Variants in GRIK3 observed in about 807,000 individuals in gnomAD.
The protein encoded by GRIK3 is glutamate ionotropic receptor kainate type subunit 3.
GRIK3 carries 29 observed loss-of-function variants against 102.5 expected under a neutral mutation model. The ratio of observed to expected loss-of-function variants is 0.28; its 90% CI spans 0.21 to 0.39. The LOEUF is 0.39. GRIK3 is among the 10% of genes least tolerant of loss of function. The probability of loss-of-function intolerance (pLI) is 1.00; values close to 1 mark genes in which losing one functional copy is unlikely to be tolerated. For missense variants in GRIK3, 908 were observed against 1,252.4 expected (o/e 0.73, Z 4.15); for synonymous variants, 511 against 504.9 (o/e 1.01, Z -0.16).
At chr1:36,963,225 C>T (rs1251404338) in intron 1 of GRIK3, among the ~76,000 whole-genome samples, 3 of 152,140 alleles carry the variant, frequency 2.0e-5, no homozygotes, top group Non-Finnish European at 2.9e-5. Context: ...GGACTCTCTC[C>T]TTTGCCTCCT....
At position 36,959,414 on chromosome 1, in the gene GRIK3, ATCTGTGAG is replaced by A. The variant is rs1200504018; in HGVS notation, c.116-68326_116-68319del. 4.4e-5 allele frequency among the ~76,000 whole-genome samples: 4 copies of A among 91,626 alleles called. 1 individual carries two copies. The highest frequency in any genetic ancestry group is 8.1e-5 in the African/African-American group (2 of 24,774). The allele number at this position is 91,626 out of a possible 152,430, so 60.1% of individuals were successfully genotyped here. A position where few individuals can be genotyped will look rare whatever the true frequency, so the allele number is the denominator to read the frequency against. On this transcript the variant is annotated intron_variant, in intron 1 of 15. Transcript: ENST00000373091. Reference sequence around the variant, plus strand: ...AGCCTGCACCCCATGAGCCTCTGTGATCTGTGAGTCTGTGAGTCTGTGCCCCGTGACTC... The same window carrying A: ...AGCCTGCACCCCATGAGCCTCTGTGATCTGTGAGTCTGTGCCCCGTGACTC...
chr1:36,971,581 T>C lies in GRIK3; in HGVS notation c.115+62413A>G, dbSNP rs114747194. On this transcript the variant is annotated intron_variant, in intron 1 of 15. Transcript: ENST00000373091. ...TAAGAAGGATGAGAGATGCGCAAAT[T>C]GCTCCACTTCCAGAGAGGGACAGTG... Among the ~76,000 whole-genome samples the C allele has an allele frequency of 3.0e-3, 450 of 152,228 alleles. 2 individuals carry two copies. Among genetic ancestry groups the C allele is most frequent in the African/African-American group, 0.01 (435 of 41,534 alleles).
intron 8 of GRIK3, among the ~76,000 whole-genome samples, chr1:36,851,992 G>A (rs1403673970): frequency 1.3e-5 from 2 of 152,196 alleles, no homozygotes; most frequent in South Asian, 4.1e-4. Flanking sequence ...ACAGCTACTT[G>A]AGTGAATACT....
chr1:36,800,824 CA>C lies in GRIK3; in HGVS notation c.*1026del, dbSNP rs886572626. The C allele has an allele frequency of 6.6e-6, 1 of 151,966 alleles. No homozygotes were observed. The highest frequency in any genetic ancestry group is 2.4e-5 in the African/African-American group (1 of 41,224). The allele number at this position is 151,966 out of a possible 1,614,324, so 9.4% of individuals were successfully genotyped here. On this transcript the variant is annotated 3_prime_UTR_variant, in exon 16 of 16. Coordinates refer to ENST00000373091, the MANE Select transcript of GRIK3 (RefSeq NM_000831.4). ...CTTTCACTTCAACCAACTCTTCTTT[CA>C]AAAAGACAGAGTGAGGCCAAGGTCA...
At position 36,891,086 on chromosome 1, in the gene GRIK3, G is replaced by C; in HGVS notation, c.126C>G (p.Phe42Leu). The change falls in exon 2 of 16, where the codon TTC becomes TTG. Residue 42 changes from phenylalanine to leucine, a missense_variant. Physicochemically the swap from Phe to Leu is conservative, Grantham distance 22. Transcript: ENST00000373091. Reference sequence around the variant, plus strand: ...GGGCGTTGGGGCCGTCCGCATACTCGAAGATTCCTCCTGTGAAAGATGAGT... The same window carrying C: ...GGGCGTTGGGGCCGTCCGCATACTCCAAGATTCCTCCTGTGAAAGATGAGT... Reference protein sequence around the residue: ...MPHVIRIGGIFEYADGPNAQV... With the variant: ...MPHVIRIGGILEYADGPNAQV... 1 of 1,611,750 alleles carries C rather than the reference G, an allele frequency of 6.2e-7. No homozygotes were observed. Among genetic ancestry groups the C allele is most frequent in the Non-Finnish European group, 8.5e-7 (1 of 1,178,634 alleles).
chr1:36,882,274 T>A (rs1302980197), intron 2 of GRIK3, among the ~76,000 whole-genome samples: 1 of 152,134 alleles, frequency 6.6e-6, no homozygotes, highest in Non-Finnish European at 1.5e-5. Flanking sequence ...TTCAAACAGT[T>A]CAGGTTCTTG....
At chr1:36,986,133 A>G (rs931973193) in intron 1 of GRIK3, among the ~76,000 whole-genome samples, 1 of 152,084 alleles carries the variant, frequency 6.6e-6, no homozygotes, top group African/African-American at 2.4e-5. Flanking sequence ...CAGACTCTCT[A>G]TCTCCTCCTC....
At chr1:36,968,841 C>T (rs1472534560) in intron 1 of GRIK3, among the ~76,000 whole-genome samples, 2 of 152,234 alleles carry the variant, frequency 1.3e-5, no homozygotes, top group African/African-American at 4.8e-5. Flanking sequence ...GACACCCCCA[C>T]CTGGGAAGCA....
At chr1:36,842,313 C>T (rs931620171) in intron 9 of GRIK3, among the ~76,000 whole-genome samples, 2 of 152,198 alleles carry the variant, frequency 1.3e-5, no homozygotes, top group African/African-American at 2.4e-5. Flanking sequence ...GCATCAGCAT[C>T]ACCTGGGAAC....
At chr1:36,804,681 G>C (rs1182902502) in intron 15 of GRIK3, 1 of 503,670 alleles carries the variant, frequency 2.0e-6, no homozygotes, top group Non-Finnish European at 3.5e-6. Context: ...TTTAAACAAG[G>C]TACCAGTTGC....
chr1:36,996,444 C>T (rs2124018739), intron 1 of GRIK3, among the ~76,000 whole-genome samples: 1 of 152,312 alleles, frequency 6.6e-6, no homozygotes, highest in East Asian at 1.9e-4. Context: ...GGACAAATGG[C>T]ATTCCCAAGA....
At chr1:36,841,697 C>T (rs758719765) in intron 10 of GRIK3, 39 bp downstream of exon 10, 8 of 1,553,996 alleles carry the variant, frequency 5.1e-6, no homozygotes, top group African/African-American at 1.4e-5. Flanking sequence ...CAAGTCTCCC[C>T]AGGGTCCTGA....
intron 1 of GRIK3, among the ~76,000 whole-genome samples, chr1:36,946,965 C>T (rs928883670): frequency 1.3e-5 from 2 of 152,128 alleles, no homozygotes; most frequent in Non-Finnish European, 2.9e-5. Flanking sequence ...GAGAAAGAAA[C>T]ACATGTGAGA....
At chr1:36,969,997 AGT>A (rs1368419989) in intron 1 of GRIK3, among the ~76,000 whole-genome samples, 1 of 152,244 alleles carries the variant, frequency 6.6e-6, no homozygotes, top group Non-Finnish European at 1.5e-5. Context: ...CTCCAATGGC[AGT>A]GTGAAGGGCA....
intron 15 of GRIK3, 80 bp downstream of exon 15, chr1:36,804,907 T>A (rs770371225): frequency 3.7e-5 from 56 of 1,533,224 alleles, no homozygotes; most frequent in Non-Finnish European, 4.6e-5. Context: ...GACACCACTG[T>A]GTGCCTGGCA....
At chr1:36,971,148 G>C (rs533164579) in intron 1 of GRIK3, among the ~76,000 whole-genome samples, 1 of 152,286 alleles carries the variant, frequency 6.6e-6, no homozygotes, top group East Asian at 1.9e-4. Flanking sequence ...TTCACCTCCT[G>C]GTTCTGGTAG....
chr1:36,828,834 G>A (rs1642783307), intron 10 of GRIK3, among the ~76,000 whole-genome samples: 5 of 152,160 alleles, frequency 3.3e-5, no homozygotes, highest in Admixed American at 3.3e-4. Flanking sequence ...TATGGCTGGG[G>A]GACTGAGCTG....
rs1279956992 is a variant in GRIK3 at position 36,879,641 on chromosome 1, T to C, written c.550+993A>G. Among the ~76,000 whole-genome samples the C allele has an allele frequency of 1.3e-5, 2 of 152,142 alleles. 1 individual carries two copies. Among genetic ancestry groups the C allele is most frequent in the Admixed American group, 1.3e-4 (2 of 15,274 alleles). On this transcript the variant is annotated intron_variant, in intron 3 of 15. Transcript: ENST00000373091. ...GACTTGAGAGGCAGGGGGTATCACA[T>C]TGGAGCAAGGGTTTTCTGGAAGGCA... is the stretch of plus-strand genomic sequence containing the variant.
intron 9 of GRIK3, among the ~76,000 whole-genome samples, chr1:36,845,449 C>G (rs1455675619): frequency 1.3e-5 from 2 of 152,192 alleles, no homozygotes; most frequent in African/African-American, 4.8e-5. Flanking sequence ...ATCACTTACC[C>G]CAGCGTGCAA....
Sources: gnomAD v4.1 joint callset for allele counts (sites outside exome capture counted in the v4.1 genomes callset) on GRCh38, gnomAD v4.1.1 for gene constraint, MANE v1.5 for transcripts, NCBI Gene and HGNC (gene_info 2026-07-23, HGNC 2026-07-21) for gene names.